Variants in RNF17 observed in about 807,000 individuals in gnomAD.
RNF17 encodes ring finger protein 17.
A neutral mutation model predicts 200.5 loss-of-function variants in RNF17; 31 were observed. The observed-to-expected ratio is 0.15, with a 90% CI of 0.12 to 0.21. The LOEUF is 0.21. Ranked by LOEUF, RNF17 falls within the 10% of genes least tolerant of loss-of-function variation. The probability of loss-of-function intolerance (pLI) is 1.00; values close to 1 mark genes in which losing one functional copy is unlikely to be tolerated. For missense variants in RNF17, 1,628 were observed against 1,905.1 expected (o/e 0.85, Z 2.71); for synonymous variants, 606 against 637.8 (o/e 0.95, Z 0.75).
chr13:24,791,632 A>G (rs12428021), intron 9 of RNF17, among the ~76,000 whole-genome samples: 34,102 of 151,994 alleles, frequency 0.22, 4,358 homozygotes, highest in East Asian at 0.4. Flanking sequence ...TTGTAGGTGG[A>G]TTGTCTCCAA....
intron 2 of RNF17, among the ~76,000 whole-genome samples, 174 bp downstream of exon 2, chr13:24,767,540 G>A (rs572238901): frequency 2.4e-4 from 36 of 152,276 alleles, no homozygotes; most frequent in African/African-American, 8.2e-4. Flanking sequence ...ACGAGATCAA[G>A]AGATCAAGAC....
intron 2 of RNF17, among the ~76,000 whole-genome samples, chr13:24,774,198 T>C (rs1483577524): frequency 7.0e-6 from 1 of 142,340 alleles, no homozygotes; most frequent in East Asian, 2.2e-4. Context: ...CATATGTTAC[T>C]ATTTTTTTTT....
At chr13:24,789,154 G>A (rs898533979) in intron 7 of RNF17, among the ~76,000 whole-genome samples, 194 bp from the exon 8 acceptor site, 1 of 152,024 alleles carries the variant, frequency 6.6e-6, no homozygotes, top group Non-Finnish European at 1.5e-5. Flanking sequence ...ATTTCTTAGT[G>A]TCTATTGTTA....
intron 16 of RNF17, among the ~76,000 whole-genome samples, chr13:24,830,123 T>C (rs772160102): frequency 2.6e-5 from 4 of 152,172 alleles, no homozygotes; most frequent in Non-Finnish European, 5.9e-5. Flanking sequence ...CTTAGAGATA[T>C]TAATTAGCTT....
chr13:24,747,965 G>C, the RNF17 span, among the ~76,000 whole-genome samples: 1 of 152,204 alleles, frequency 6.6e-6, no homozygotes, highest in Non-Finnish European at 1.5e-5. Flanking sequence ...GCCCGGTACC[G>C]GCGTCGGAAC....
rs1197780451 is a variant in RNF17 at position 24,789,698 on chromosome 13, G to A, written c.861G>A (p.Arg287=). 1.3e-6 allele frequency: 2 copies of A among 1,577,038 alleles called. No individual in the cohort carries two copies. Among genetic ancestry groups the A allele is most frequent in the East Asian group, 2.2e-5 (1 of 44,594 alleles). ...VSSPQLRNPP[R]LSVNCSEIIC... is the part of the protein sequence containing the mutation. ...TGTATATGTTAATGTTTTATTATAG[G>A]TTGAGTGTGAATTGCAGTGAGATCA... Residue 287 remains arginine, a splice_region_variant and synonymous_variant, in exon 9 of 36, where the codon AGG becomes AGA. Transcript: ENST00000255324.
chr13:24,790,638 G>A (rs1358800596), intron 9 of RNF17, among the ~76,000 whole-genome samples: 1 of 152,136 alleles, frequency 6.6e-6, no homozygotes, highest in East Asian at 1.9e-4. Context: ...ATAAAGAACA[G>A]GTGTTTATTT....
At chr13:24,839,612 A>T (rs1332092182) in intron 18 of RNF17, among the ~76,000 whole-genome samples, 1 of 152,206 alleles carries the variant, frequency 6.6e-6, no homozygotes, top group Admixed American at 6.5e-5. Flanking sequence ...GACAAGGCAA[A>T]CAAAAACATA....
chr13:24,753,484 T>C, the RNF17 span, among the ~76,000 whole-genome samples: 1 of 152,186 alleles, frequency 6.6e-6, no homozygotes, highest in African/African-American at 2.4e-5. Flanking sequence ...CCTTACCTGA[T>C]GGCCAGGGAC....
chr13:24,828,137 A>G (rs1888955100), intron 16 of RNF17, among the ~76,000 whole-genome samples: 1 of 152,200 alleles, frequency 6.6e-6, no homozygotes, highest in Non-Finnish European at 1.5e-5. Context: ...TTTTCAAATT[A>G]GGATTATTGG....
intron 15 of RNF17, 57 bp downstream of exon 15, chr13:24,804,486 G>A (rs1885613178): frequency 7.4e-7 from 1 of 1,343,470 alleles, no homozygotes; most frequent in South Asian, 1.4e-5. Context: ...AATTAGACAT[G>A]TATAACAAGA....
intron 15 of RNF17, among the ~76,000 whole-genome samples, chr13:24,812,060 A>T (rs897107855): frequency 6.6e-6 from 1 of 151,308 alleles, no homozygotes; most frequent in Non-Finnish European, 1.5e-5. Flanking sequence ...TCAGACAGGG[A>T]CGTTTAAGTC....
chr13:24,780,774 G>A (rs1272685987), intron 5 of RNF17, among the ~76,000 whole-genome samples: 2 of 152,012 alleles, frequency 1.3e-5, no homozygotes, highest in African/African-American at 2.4e-5. Flanking sequence ...TCCAGTTGCT[G>A]GGGAGGCTGA....
At chr13:24,787,940 T>A in intron 6 of RNF17, 48 bp from the exon 7 acceptor site, 2 of 1,426,414 alleles carry the variant, frequency 1.4e-6, no homozygotes, top group Non-Finnish European at 1.9e-6. Context: ...ACTTTTTCTA[T>A]AAATATTTAT....
intron 2 of RNF17, among the ~76,000 whole-genome samples, chr13:24,769,693 C>T (rs941897979): frequency 2.6e-5 from 4 of 152,138 alleles, no homozygotes; most frequent in African/African-American, 9.7e-5. Context: ...GGTATCTACT[C>T]TAAAAAGTAA....
intron 25 of RNF17, among the ~76,000 whole-genome samples, chr13:24,857,649 C>T (rs1262470020): frequency 6.6e-6 from 1 of 152,194 alleles, no homozygotes; most frequent in Non-Finnish European, 1.5e-5. Context: ...CGCCTGTAAT[C>T]TCAGCACTTC....
chr13:24,789,689 T>G lies in RNF17; in HGVS notation c.861-9T>G. ...GAACATTTATGTATATGTTAATGTTTTATTATAGGTTGAGTGTGAATTGCA... is the reference window on the plus strand; with the variant it reads ...GAACATTTATGTATATGTTAATGTTGTATTATAGGTTGAGTGTGAATTGCA... On this transcript the variant is annotated splice_polypyrimidine_tract_variant and intron_variant, in intron 8 of 35. Transcript: ENST00000255324. 2 of 1,553,378 alleles carry G rather than the reference T, an allele frequency of 1.3e-6. No individual in the cohort carries two copies. The highest frequency in any genetic ancestry group is 1.1e-5 in the South Asian group (1 of 89,300).
intron 15 of RNF17, among the ~76,000 whole-genome samples, chr13:24,809,110 T>C (rs1312428962): frequency 6.6e-6 from 1 of 151,208 alleles, no homozygotes; most frequent in African/African-American, 2.4e-5. Flanking sequence ...AATTCTCTTT[T>C]TTGGTTGTGT....
intron 26 of RNF17, among the ~76,000 whole-genome samples, chr13:24,859,541 A>G (rs1032228250): frequency 2.0e-5 from 3 of 152,120 alleles, no homozygotes; most frequent in African/African-American, 7.2e-5. Flanking sequence ...TTACCTTTCC[A>G]GAATAATGAG....
Sources: allele counts gnomAD v4.1 joint callset (sites outside exome capture counted in the v4.1 genomes callset), GRCh38; gene constraint gnomAD v4.1.1; transcripts MANE v1.5; gene names NCBI Gene and HGNC (gene_info 2026-07-23, HGNC 2026-07-21).